GNB1L: variants seen among roughly 807,000 people sequenced by gnomAD.
GNB1L encodes guanine nucleotide-binding protein subunit beta-like protein 1.
A neutral mutation model predicts 29.1 loss-of-function variants in GNB1L; 20 were observed. The ratio of observed to expected loss-of-function variants is 0.69; its 90% confidence interval spans 0.48 to 1.00. GNB1L has a LOEUF of 1.00. GNB1L is among the 50% of genes least tolerant of loss of function. GNB1L has a pLI of 0.00. For missense variants in GNB1L, 421 were observed against 464.9 expected (o/e 0.91, Z 0.87); for synonymous variants, 193 against 206.5 (o/e 0.93, Z 0.56).
Position 19,802,015 on chromosome 22 carries a change from G to T in GNB1L, c.718C>A (p.Gln240Lys). Residue 240 changes from glutamine to lysine, a missense_variant, in exon 7 of 8, where the codon CAG (glutamine) becomes AAG (lysine). Gln to Lys is a moderately conservative substitution (Grantham distance 53). Transcript: ENST00000329517. ...KALAVWSLDW[Q>K]QALQVRGTHE... ...GGCGCACTGACCTGCAGGGCCTGCT[G>T]CCAGTCCAGGCTCCAGACAGCCAGC... 6.3e-7 allele frequency: 1 copy of T among 1,592,186 alleles called. No homozygotes were observed. Among genetic ancestry groups the T allele is most frequent in the Non-Finnish European group, 8.5e-7 (1 of 1,169,970 alleles).
In GNB1L at chr22:19,784,297, A is replaced by ACAT. The variant is rs1156262298; in HGVS notation, c.*4409_*4411dup. On this transcript the variant is annotated 3_prime_UTR_variant, in exon 8 of 8. Transcript: ENST00000329517. ...GAGTGGAGACACGCACAGCACGTCA[A>ACAT]CATGGAGCGCCCAGCAGCGGCGGCG... 2 of 152,262 alleles carry ACAT rather than the reference A, an allele frequency of 1.3e-5. No homozygotes were observed. Among genetic ancestry groups the ACAT allele is most frequent in the African/African-American group, 4.8e-5 (2 of 41,460 alleles). The allele number at this position is 152,262 out of a possible 1,614,324, so 9.4% of individuals were successfully genotyped here.
At chr22:19,826,926 T>C (rs772220266) in intron 2 of GNB1L, among the ~76,000 whole-genome samples, 4 of 152,084 alleles carry the variant, frequency 2.6e-5, no homozygotes, top group Non-Finnish European at 4.4e-5. Context: ...CTTGGACTCA[T>C]CAAAAAGGTC....
intron 7 of GNB1L, chr22:19,792,454 T>A: frequency 6.3e-7 from 1 of 1,579,368 alleles, no homozygotes; most frequent in South Asian, 1.1e-5. Flanking sequence ...CTCACCCACT[T>A]TGTGAAATGG....
chr22:19,851,832 T>C (rs201926619), intron 2 of GNB1L: 2 of 1,613,878 alleles, frequency 1.2e-6, no homozygotes, highest in East Asian at 2.2e-5. Context: ...GTTAGGCGCC[T>C]GAGGATCTCG....
chr22:19,837,945 G>C (rs1937793258), intron 2 of GNB1L, among the ~76,000 whole-genome samples: 1 of 152,192 alleles, frequency 6.6e-6, no homozygotes, highest in African/African-American at 2.4e-5. Flanking sequence ...CAGATTAAAG[G>C]GAACCTGGAG....
Position 19,788,035 on chromosome 22 carries a change from C to T in GNB1L, c.*674G>A, listed in dbSNP as rs759716405. The T allele has an allele frequency of 6.4e-6, 1 of 156,814 alleles. No individual in the cohort carries two copies. Among genetic ancestry groups the T allele is most frequent in the Non-Finnish European group, 1.4e-5 (1 of 70,948 alleles). The allele number at this position is 156,814 out of a possible 1,614,324, so 9.7% of individuals were successfully genotyped here. A position where few individuals can be genotyped will look rare whatever the true frequency, so the allele number is the denominator to read the frequency against. On this transcript the variant is annotated 3_prime_UTR_variant, in exon 8 of 8. Coordinates refer to ENST00000329517, the MANE Select transcript of GNB1L (RefSeq NM_053004.3). Reference sequence around the variant, plus strand: ...TGCGCCTTCCCCACTGCACCCTCTGCGGGCAGGCGTGCCCTCCCGGATCCC... The same window carrying T: ...TGCGCCTTCCCCACTGCACCCTCTGTGGGCAGGCGTGCCCTCCCGGATCCC...
intron 4 of GNB1L, among the ~76,000 whole-genome samples, chr22:19,813,559 G>A (rs190388769): frequency 4.1e-4 from 62 of 152,214 alleles, no homozygotes; most frequent in Non-Finnish European, 6.8e-4. Flanking sequence ...GTGGTGGCAC[G>A]TGCCTGTAAT....
chr22:19,846,939 A>G, intron 2 of GNB1L: 1 of 985,384 alleles, frequency 1.0e-6, no homozygotes, highest in Non-Finnish European at 1.2e-6. Context: ...CCTGGGATGG[A>G]TGCAGGCCCC....
chr22:19,818,357 A>G (rs1049457473), intron 4 of GNB1L, among the ~76,000 whole-genome samples: 9 of 152,224 alleles, frequency 5.9e-5, no homozygotes, highest in Admixed American at 2.0e-4. Flanking sequence ...CCTGATGCAC[A>G]TGGCCTGGTG....
intron 6 of GNB1L, 45 bp downstream of exon 6, chr22:19,806,614 G>T: frequency 1.7e-6 from 2 of 1,191,424 alleles, no homozygotes; most frequent in Non-Finnish European, 2.5e-6. Context: ...ACTCATGGCC[G>T]TGGGTGTGGC....
At chr22:19,807,607 A>G (rs530285634) in intron 5 of GNB1L, among the ~76,000 whole-genome samples, 2 of 152,320 alleles carry the variant, frequency 1.3e-5, no homozygotes, top group East Asian at 3.9e-4. Flanking sequence ...CCGATAACAC[A>G]GCAATAATAT....
At chr22:19,809,195 T>A (rs908138200) in intron 5 of GNB1L, among the ~76,000 whole-genome samples, 2 of 151,324 alleles carry the variant, frequency 1.3e-5, no homozygotes, top group Non-Finnish European at 2.9e-5. Context: ...CACAAGTGGC[T>A]GGACGTTGAG....
intron 7 of GNB1L, among the ~76,000 whole-genome samples, chr22:19,800,293 T>G (rs1255295903): frequency 6.6e-6 from 1 of 152,156 alleles, no homozygotes; most frequent in Admixed American, 6.5e-5. Context: ...GGCCCCTTCC[T>G]GGGGTCCTGG....
chr22:19,817,887 A>G (rs1569046126), intron 4 of GNB1L, among the ~76,000 whole-genome samples: 1 of 152,236 alleles, frequency 6.6e-6, no homozygotes, highest in East Asian at 1.9e-4. Context: ...CTTCACAAGA[A>G]AAAAGATTAA....
At chr22:19,795,711 TCAAAGC>T (rs1248857706) in intron 7 of GNB1L, among the ~76,000 whole-genome samples, 1 of 152,088 alleles carries the variant, frequency 6.6e-6, no homozygotes, top group Non-Finnish European at 1.5e-5. Context: ...ACACAGTAAG[TCAAAGC>T]CAATGAGACT....
At chr22:19,795,466 C>T (rs1316235364) in intron 7 of GNB1L, among the ~76,000 whole-genome samples, 1 of 152,230 alleles carries the variant, frequency 6.6e-6, no homozygotes, top group African/African-American at 2.4e-5. Flanking sequence ...ACGCTCCTTT[C>T]AAGTCCATGT....
rs1003791980 is a variant in GNB1L at position 19,810,701 on chromosome 22, G to A, written c.417+1584C>T. Reference sequence around the variant, plus strand: ...GGCAAGTGTGGCCACCCAGCCGGCCGAGTGGGGTGGGAGTGCGGCTCCCTG... The same window carrying A: ...GGCAAGTGTGGCCACCCAGCCGGCCAAGTGGGGTGGGAGTGCGGCTCCCTG... On this transcript the variant is annotated intron_variant, in intron 5 of 7. Transcript: ENST00000329517. Among the ~76,000 whole-genome samples the A allele has an allele frequency of 8.5e-5, 13 of 152,104 alleles. No homozygotes were observed. The East Asian group carries it at 1.2e-3, about 14-fold the overall frequency.
chr22:19,798,699 C>A (rs1461001497), intron 7 of GNB1L, among the ~76,000 whole-genome samples: 2 of 152,218 alleles, frequency 1.3e-5, no homozygotes, highest in East Asian at 3.9e-4. Flanking sequence ...CCCACACCCA[C>A]CTCAGCCATT....
At chr22:19,846,707 G>T in intron 2 of GNB1L, 1 of 370,480 alleles carries the variant, frequency 2.7e-6, no homozygotes, top group Non-Finnish European at 3.7e-6. Flanking sequence ...TGATCCAATA[G>T]ACTAGTGAGC....
Sources: gnomAD v4.1 joint callset for allele counts (sites outside exome capture counted in the v4.1 genomes callset) on GRCh38, gnomAD v4.1.1 for gene constraint, MANE v1.5 for transcripts, NCBI Gene and HGNC (gene_info 2026-07-23, HGNC 2026-07-21) for gene names.